AKAP6: variants seen among roughly 807,000 people sequenced by gnomAD.
AKAP6 encodes the protein A-kinase anchor protein 6.
A neutral mutation model predicts 188.5 loss-of-function variants in AKAP6; 58 were observed. The ratio of observed to expected loss-of-function variants is 0.31; its 90% CI spans 0.25 to 0.38. The LOEUF (loss-of-function observed/expected upper bound fraction) is 0.38. Ranked by LOEUF, AKAP6 falls within the 10% of genes least tolerant of loss-of-function variation. The probability of loss-of-function intolerance (pLI) is 1.00; values close to 1 mark genes in which losing one functional copy is unlikely to be tolerated. For missense variants in AKAP6, 2,710 were observed against 2,740.0 expected (o/e 0.99, Z 0.24); for synonymous variants, 989 against 998.6 (o/e 0.99, Z 0.18).
chr14:32,351,067 A>G (rs1203203467), intron 1 of AKAP6, among the ~76,000 whole-genome samples: 3 of 152,170 alleles, frequency 2.0e-5, no homozygotes, highest in African/African-American at 7.2e-5. Context: ...GACAGAATAT[A>G]GTGATTTTCC....
chr14:32,646,648 C>A (rs747905333), intron 7 of AKAP6, among the ~76,000 whole-genome samples: 6 of 152,082 alleles, frequency 3.9e-5, no homozygotes, highest in Non-Finnish European at 7.4e-5. Flanking sequence ...AGGTGAGAGA[C>A]AAAAACATGT....
intron 7 of AKAP6, among the ~76,000 whole-genome samples, chr14:32,674,519 C>A (rs1889347807): frequency 6.6e-6 from 1 of 152,014 alleles, no homozygotes; most frequent in African/African-American, 2.4e-5. Context: ...GAATAACCTG[C>A]TAAAGGAAAT....
intron 2 of AKAP6, among the ~76,000 whole-genome samples, chr14:32,440,534 A>AT (rs1890539267): frequency 1.3e-5 from 2 of 152,118 alleles, no homozygotes. Context: ...GTAAAAATGT[A>AT]TTTTTTTGAA....
At chr14:32,401,347 A>G (rs891403707) in intron 1 of AKAP6, among the ~76,000 whole-genome samples, 1 of 152,176 alleles carries the variant, frequency 6.6e-6, no homozygotes, top group Non-Finnish European at 1.5e-5. Context: ...TCATATGGGT[A>G]TGTTGAGTCT....
intron 4 of AKAP6, among the ~76,000 whole-genome samples, chr14:32,561,949 G>C (rs1463343468): frequency 6.6e-6 from 1 of 152,196 alleles, no homozygotes; most frequent in Non-Finnish European, 1.5e-5. Context: ...CAAGAGTGTG[G>C]GTTCTGTTTC....
chr14:32,798,351 C>T lies in AKAP6; in HGVS notation c.3589-23051C>T, dbSNP rs570167139. Reference sequence around the variant, plus strand: ...AGCAGTTTGGAGAGTTCTCAAAGAACTTAAAACCATTTGACCCAGCAATCC... The same window carrying T: ...AGCAGTTTGGAGAGTTCTCAAAGAATTTAAAACCATTTGACCCAGCAATCC... On this transcript the variant is annotated intron_variant, in intron 12 of 13. Transcript: ENST00000280979. 2.6e-5 allele frequency among the ~76,000 whole-genome samples: 4 copies of T among 152,214 alleles called. No individual in the cohort carries two copies. In the South Asian group the frequency reaches 8.3e-4, roughly 32 times the overall value.
chr14:32,752,182 G>A (rs1420337525), intron 11 of AKAP6, among the ~76,000 whole-genome samples: 1 of 152,168 alleles, frequency 6.6e-6, no homozygotes, highest in East Asian at 1.9e-4. Flanking sequence ...AAAATTCAGG[G>A]ATGAGAAACA....
intron 1 of AKAP6, among the ~76,000 whole-genome samples, chr14:32,338,628 C>G (rs751416336): frequency 6.6e-6 from 1 of 152,066 alleles, no homozygotes; most frequent in Non-Finnish European, 1.5e-5. Context: ...TACCTAAACA[C>G]TGAACAAAAA....
At position 32,830,661 on chromosome 14, in the gene AKAP6, G is replaced by A. The variant is rs1040602033; in HGVS notation, c.*856G>A. The A allele has an allele frequency of 4.6e-5, 7 of 152,728 alleles. No homozygotes were observed. The highest frequency in any genetic ancestry group is 1.9e-4 in the East Asian group (1 of 5,182). 9.5% of individuals were successfully genotyped at this position (152,728 alleles called of 1,614,324 possible). On this transcript the variant is annotated 3_prime_UTR_variant, in exon 14 of 14. Transcript: ENST00000280979. ...ATGTGTGAATAATTTCTGTATATAT[G>A]TATAACCAAGTACAAACATTGATGT... is the stretch of plus-strand genomic sequence containing the variant.
chr14:32,432,626 AT>A (rs1890259137), intron 1 of AKAP6, among the ~76,000 whole-genome samples: 1 of 152,206 alleles, frequency 6.6e-6, no homozygotes, highest in African/African-American at 2.4e-5. Context: ...ACAGGTTATT[AT>A]TTAACTAACA....
intron 2 of AKAP6, among the ~76,000 whole-genome samples, chr14:32,475,442 C>G (rs2138876037): frequency 6.6e-6 from 1 of 152,230 alleles, no homozygotes; most frequent in African/African-American, 2.4e-5. Flanking sequence ...GTTGTGGGTT[C>G]TTATTTTAAA....
rs71115083 is a variant in AKAP6 at position 32,548,529 on chromosome 14, A to AATAGATAG, written c.2346+1582_2346+1589dup. Among the ~76,000 whole-genome samples, 1,334 of 142,582 alleles carry AATAGATAG rather than the reference A, an allele frequency of 9.4e-3. 12 individuals are homozygous for AATAGATAG. The highest frequency in any genetic ancestry group is 0.015 in the East Asian group (72 of 4,742). 93.5% of individuals were successfully genotyped at this position (142,582 alleles called of 152,430 possible). On this transcript the variant is annotated intron_variant, in intron 4 of 13. Transcript: ENST00000280979. ...GCTTAAGTGATTTTTCTCAAGCTAAAATAGATAGATAGATAGATAGATAGA... is the reference window on the plus strand; with the variant it reads ...GCTTAAGTGATTTTTCTCAAGCTAAAATAGATAGATAGATAGATAGATAGATAGATAGA...
chr14:32,472,166 G>T (rs1878817198), intron 2 of AKAP6, among the ~76,000 whole-genome samples: 2 of 152,130 alleles, frequency 1.3e-5, no homozygotes, highest in African/African-American at 2.4e-5. Flanking sequence ...AGCTGTGACA[G>T]AGATGGCAGT....
intron 7 of AKAP6, among the ~76,000 whole-genome samples, chr14:32,617,756 G>A (rs1886642621): frequency 6.6e-6 from 1 of 152,158 alleles, no homozygotes; most frequent in Non-Finnish European, 1.5e-5. Context: ...CTCCCAAGTA[G>A]CTGGGACTAC....
Position 32,732,530 on chromosome 14 carries a change from G to T in AKAP6, c.3077G>T (p.Gly1026Val). The T allele has an allele frequency of 1.2e-6, 2 of 1,613,590 alleles. No individual in the cohort carries two copies. Among genetic ancestry groups the T allele is most frequent in the Non-Finnish European group, 1.7e-6 (2 of 1,179,674 alleles). Residue 1026 changes from glycine (G) to valine (V), a missense_variant, in exon 10 of 14, where the codon GGT becomes GTT. Around this residue, in one of 2 missense-constraint regions of AKAP6, gnomAD observed 2,473 missense variants for 2,426.1 expected, o/e 1.02. Coordinates refer to ENST00000280979, the MANE Select transcript of AKAP6 (RefSeq NM_004274.5). The stretch of plus-strand genomic sequence containing the variant: ...AGTAAGGTTGAAGCTTTGAAGAAAG[G>T]TGGCGTTTTACTACCAAATGATCTC... ...LLSKVEALKK[G>V]GVLLPNDLLE...
intron 12 of AKAP6, among the ~76,000 whole-genome samples, chr14:32,812,103 G>A (rs936804544): frequency 1.3e-5 from 2 of 152,080 alleles, no homozygotes; most frequent in Admixed American, 6.6e-5. Context: ...AAACTCACAT[G>A]TTATGTCAAT....
intron 7 of AKAP6, among the ~76,000 whole-genome samples, chr14:32,655,701 A>G (rs1414434087): frequency 6.6e-6 from 1 of 152,196 alleles, no homozygotes; most frequent in Admixed American, 6.6e-5. Context: ...GCAAAAACTC[A>G]GGGTCAGGAA....
chr14:32,786,368 C>G (rs1312877726), intron 12 of AKAP6, among the ~76,000 whole-genome samples: 2 of 128,158 alleles, frequency 1.6e-5, no homozygotes, highest in South Asian at 2.6e-4. Flanking sequence ...AGTGCAGTGG[C>G]GCCATCTTGG....
intron 2 of AKAP6, among the ~76,000 whole-genome samples, chr14:32,523,246 G>A (rs1021691551): frequency 6.6e-6 from 1 of 152,080 alleles, no homozygotes; most frequent in Non-Finnish European, 1.5e-5. Flanking sequence ...GTTAATGGGT[G>A]CAGCACACCA....
Sources: gnomAD v4.1 joint callset for allele counts (sites outside exome capture counted in the v4.1 genomes callset) on GRCh38, gnomAD v4.1.1 for gene constraint, gnomAD v4.1.1 regional missense constraint, MANE v1.5 for transcripts, NCBI Gene and HGNC (gene_info 2026-07-23, HGNC 2026-07-21) for gene names.